The following COMP variants were observed in gnomAD, a reference collection of about 807,000 sequenced individuals.
COMP encodes cartilage oligomeric matrix protein, also known as cartilage oligomeric matrix protein (pseudoachondroplasia, epiphyseal dysplasia 1, multiple).
A neutral mutation model predicts 95.8 loss-of-function variants in COMP; 79 were observed. The observed-to-expected ratio is 0.82, with a 90% CI of 0.69 to 0.99. The LOEUF is 0.99. Ranked by LOEUF, COMP falls within the 50% of genes least tolerant of loss-of-function variation. The probability of loss-of-function intolerance (pLI) is 0.00; values close to 1 mark genes in which losing one functional copy is unlikely to be tolerated. For missense variants in COMP, 906 were observed against 1,076.1 expected (o/e 0.84, Z 2.21); for synonymous variants, 438 against 433.9 (o/e 1.01, Z -0.12).
intron 17 of COMP, 148 bp from the exon 18 acceptor site, chr19:18,783,341 T>G: frequency 8.6e-7 from 1 of 1,157,800 alleles, no homozygotes; most frequent in South Asian, 1.5e-5. Context: ...AGTTTCCTGG[T>G]GTGGTGGACA....
chr19:18,782,979 G>A lies in COMP; in HGVS notation c.2228-18C>T. 1 of 1,612,568 alleles carries A rather than the reference G, an allele frequency of 6.2e-7. No homozygotes were observed. Among genetic ancestry groups the A allele is most frequent in the Non-Finnish European group, 8.5e-7 (1 of 1,180,008 alleles). On this transcript the variant is annotated intron_variant, in intron 18 of 18. Coordinates refer to ENST00000222271, the MANE Select transcript of COMP (RefSeq NM_000095.3). The stretch of plus-strand genomic sequence containing the variant: ...GATGGTGTCTGCAGGGAGAGGGCAG[G>A]CGGGTGAGGGCTGAGAAGGCCAGCA...
rs377675152 is a variant in COMP at position 18,788,239 on chromosome 19, G to A, written c.948C>T (p.Ala316=). 27 of 1,613,070 alleles carry A rather than the reference G, an allele frequency of 1.7e-5. No individual in the cohort carries two copies. Among genetic ancestry groups the A allele is most frequent in the African/African-American group, 2.7e-5 (2 of 74,908 alleles). The change falls in exon 9 of 19, where the codon GCC becomes GCT. Residue 316 remains alanine, a synonymous_variant. Transcript: ENST00000222271. This position sits in a 1 kb window ranked among gnomAD's most constrained non-coding sequence, Gnocchi z 4.7. ...DGIGDACDPD[A]DGDGVPNEKD... is the part of the protein sequence containing the mutation. ...TTTCATTGGGGACCCCGTCCCCGTC[G>A]GCATCCGGATCGCAGGCGTCTCCGA...
chr19:18,785,224 C>G (rs1376900155), intron 15 of COMP, 132 bp from the exon 16 acceptor site: 1 of 973,534 alleles, frequency 1.0e-6, no homozygotes, highest in Non-Finnish European at 1.6e-6. Flanking sequence ...CTCGCAGAGC[C>G]CGGACTCAGC....
chr19:18,782,810 C>G lies in COMP; in HGVS notation c.*105G>C. On this transcript the variant is annotated 3_prime_UTR_variant, in exon 19 of 19. Transcript: ENST00000222271. Reference sequence around the variant, plus strand: ...CACTTTATTTTGTCCTCTCTGAGCCCTTCTCACTTCCCCCTCAGGACGGCC... The same window carrying G: ...CACTTTATTTTGTCCTCTCTGAGCCGTTCTCACTTCCCCCTCAGGACGGCC... The G allele has an allele frequency of 7.7e-7, 1 of 1,306,038 alleles. No homozygotes were observed. 80.9% of individuals were successfully genotyped at this position (1,306,038 alleles called of 1,614,324 possible). A position where few individuals can be genotyped will look rare whatever the true frequency, so the allele number is the denominator to read the frequency against.
Position 18,790,955 on chromosome 19 carries a change from G to A in COMP, c.80-20C>T, listed in dbSNP as rs1235343814. On this transcript the variant is annotated intron_variant, in intron 1 of 18. Transcript: ENST00000222271. ...CTGAGCCTGCGGCGGCAGGGGACCT[G>A]GTGAGGCGTCATGGGGCCGGGGAAT... The A allele has an allele frequency of 3.9e-6, 6 of 1,550,646 alleles. No homozygotes were observed. Among genetic ancestry groups the A allele is most frequent in the South Asian group, 1.2e-5 (1 of 84,400 alleles).
chr19:18,785,055 C>T lies in COMP; in HGVS notation c.1755G>A (p.Thr585=), dbSNP rs34467947. 99,523 of 1,613,994 alleles carry T rather than the reference C, an allele frequency of 0.062. 3,618 individuals are homozygous for T. The highest frequency in any genetic ancestry group is 0.071 in the Non-Finnish European group (84,341 of 1,179,962). ...TAFNGVDFEG[T]FHVNTVTDDD... Reference sequence around the variant, plus strand: ...CATCCGTGACCGTGTTCACATGGAACGTGCCCTCGAAGTCCACGCCATTGA... The same window carrying T: ...CATCCGTGACCGTGTTCACATGGAATGTGCCCTCGAAGTCCACGCCATTGA... The change falls in exon 16 of 19, where the codon ACG becomes ACA. Residue 585 remains threonine (T), a synonymous_variant. Coordinates refer to ENST00000222271, the MANE Select transcript of COMP (RefSeq NM_000095.3).
Position 18,782,826 on chromosome 19 carries a change from C to A in COMP, c.*89G>T. ...CTCTGAGCCCTTCTCACTTCCCCCTCAGGACGGCCACCCCTTGGGGCTGGG... is the reference window on the plus strand; with the variant it reads ...CTCTGAGCCCTTCTCACTTCCCCCTAAGGACGGCCACCCCTTGGGGCTGGG... On this transcript the variant is annotated 3_prime_UTR_variant, in exon 19 of 19. Transcript: ENST00000222271. 3 of 1,454,470 alleles carry A rather than the reference C, an allele frequency of 2.1e-6. No individual in the cohort carries two copies. The highest frequency in any genetic ancestry group is 2.9e-6 in the Non-Finnish European group (3 of 1,048,960). The allele number at this position is 1,454,470 out of a possible 1,614,324, so 90.1% of individuals were successfully genotyped here.
rs201624503 is a variant in COMP, at chr19:18,784,939, G to A, written c.1871C>T (p.Ala624Val). 12 of 1,565,300 alleles carry A rather than the reference G, an allele frequency of 7.7e-6. No individual in the cohort carries two copies. The highest frequency in any genetic ancestry group is 3.8e-5 in the Admixed American group (2 of 52,282). The part of the protein sequence containing the change: ...WKQMEQTYWQ[A>V]NPFRAVAEPG... Reference sequence around the variant, plus strand: ...CTCGGCCACAGCACGGAAGGGGTTCGCCTGCCAATACGTTTGCTCCATCTG... The same window carrying A: ...CTCGGCCACAGCACGGAAGGGGTTCACCTGCCAATACGTTTGCTCCATCTG... The change falls in exon 16 of 19, where the codon GCG becomes GTG. Residue 624 changes from alanine to valine, a missense_variant. Transcript: ENST00000222271. The surrounding 1 kb of genome is among the most constrained non-coding windows in gnomAD (Gnocchi z 4.9).
chr19:18,790,712 G>C lies in COMP; in HGVS notation c.166-99C>G, dbSNP rs548771123. On this transcript the variant is annotated intron_variant, in intron 2 of 18. Coordinates refer to ENST00000222271, the MANE Select transcript of COMP (RefSeq NM_000095.3). ...GGGTCCCTTTCTACAGCCTCTTTTC[G>C]CCAAGGACTCCCTACCCGCCGACCC... 1.6e-5 allele frequency: 25 copies of C among 1,610,508 alleles called. No homozygotes were observed. The African/African-American group carries it at 2.5e-4, about 16-fold the overall frequency.
rs1444593732 is a variant in COMP, at chr19:18,784,686, A to G, written c.1914+210T>C. Among the ~76,000 whole-genome samples, 1 of 152,056 alleles carries G rather than the reference A, an allele frequency of 6.6e-6. No homozygotes were observed. The highest frequency in any genetic ancestry group is 1.9e-4 in the East Asian group (1 of 5,192). On this transcript the variant is annotated intron_variant, in intron 16 of 18. Coordinates refer to ENST00000222271, the MANE Select transcript of COMP (RefSeq NM_000095.3). The surrounding 1 kb of genome is among the most constrained non-coding windows in gnomAD (Gnocchi z 4.9). ...GTGAGAGGGTTTAGGGTCCATAGGA[A>G]GACTGGGGGGCCCTGAGAATGTTTG...
chr19:18,784,064 C>G lies in COMP; in HGVS notation c.2087+127G>C. ...CTGGACCAGCATAGGCTCATTCTAA[C>G]TGCCCTGTATCTTTCCTATCGTACA... is the stretch of plus-strand genomic sequence containing the variant. On this transcript the variant is annotated intron_variant, in intron 17 of 18. Transcript: ENST00000222271. This position sits in a 1 kb window ranked among gnomAD's most constrained non-coding sequence, Gnocchi z 4.9. 1 of 1,086,766 alleles carries G rather than the reference C, an allele frequency of 9.2e-7. No homozygotes were observed. The highest frequency in any genetic ancestry group is 2.4e-5 in the East Asian group (1 of 41,102). 67.3% of individuals were successfully genotyped at this position (1,086,766 alleles called of 1,614,324 possible).
chr19:18,787,560 TC>T lies in COMP; in HGVS notation c.1065del (p.Asn356ThrfsTer48). On this transcript the variant is annotated frameshift_variant, in exon 10 of 19. Coordinates refer to ENST00000222271, the MANE Select transcript of COMP (RefSeq NM_000095.3). LOFTEE classifies it high-confidence loss of function. Reference protein sequence around the residue: ...GDACDNCRSQKNDDQKDTDQD... With the variant: ...GDACDNCRSQXNDDQKDTDQD... ...TGGTCTGTGTCCTTTTGGTCGTCGT[TC>T]TTCTGGGACCGGCAGTTGTCGCACG... The T allele has an allele frequency of 6.2e-7, 1 of 1,614,034 alleles. No homozygotes were observed. The highest frequency in any genetic ancestry group is 2.2e-5 in the East Asian group (1 of 44,880).
chr19:18,789,987 G>T lies in COMP; in HGVS notation c.345C>A (p.Pro115=). The T allele has an allele frequency of 6.3e-7, 1 of 1,593,986 alleles. No homozygotes were observed. Residue 115 remains proline, a synonymous_variant, in exon 4 of 19, where the codon CCC becomes CCA. Transcript: ENST00000222271. This position sits in a 1 kb window ranked among gnomAD's most constrained non-coding sequence, Gnocchi z 6.1. ...GCGAGCCGTTGCCCGTGAAGCCCGC[G>T]GGGCAGGGGCCGCAGCGCGCGCCGC... ...TESGARCGPC[P]AGFTGNGSHC... is the part of the protein sequence containing the mutation.
In COMP at chr19:18,790,125, G is replaced by GC; in HGVS notation, c.218-12_218-11insG. 1 of 1,522,174 alleles carries GC rather than the reference G, an allele frequency of 6.6e-7. No homozygotes were observed. Among genetic ancestry groups the GC allele is most frequent in the South Asian group, 1.2e-5 (1 of 82,370 alleles). 94.3% of individuals were successfully genotyped at this position (1,522,174 alleles called of 1,614,324 possible). A position where few individuals can be genotyped will look rare whatever the true frequency, so the allele number is the denominator to read the frequency against. On this transcript the variant is annotated splice_polypyrimidine_tract_variant and intron_variant, in intron 3 of 18. Transcript: ENST00000222271. ...CTGACTGCTGCATCCCTGCGGGGGG[G>GC]AGGGGGGAGAAGCGGCGGGGCTGAT...
intron 3 of COMP, 120 bp from the exon 4 acceptor site, chr19:18,790,234 G>A (rs1284002789): frequency 1.3e-6 from 1 of 784,638 alleles, no homozygotes. Context: ...CCCGCCCCGG[G>A]GCGGCCCGAA....
At chr19:18,791,049 G>T in intron 1 of COMP, 114 bp from the exon 2 acceptor site, 1 of 1,507,898 alleles carries the variant, frequency 6.6e-7, no homozygotes. Context: ...CTCTAGTCTC[G>T]GTCCCGCCAC....
In COMP at chr19:18,791,025, G is replaced by A; in HGVS notation, c.80-90C>T. 2.6e-6 allele frequency: 4 copies of A among 1,523,266 alleles called. No individual in the cohort carries two copies. The South Asian group carries it at 3.6e-5, about 14-fold the overall frequency. 94.4% of individuals were successfully genotyped at this position (1,523,266 alleles called of 1,614,324 possible). A position where few individuals can be genotyped will look rare whatever the true frequency, so the allele number is the denominator to read the frequency against. ...GTTGCAGCGAACCCGGACCTCCGAG[G>A]CCCCACTGCGCTCCTCTAGTCTCGG... On this transcript the variant is annotated intron_variant, in intron 1 of 18. Coordinates refer to ENST00000222271, the MANE Select transcript of COMP (RefSeq NM_000095.3).
At chr19:18,787,791 T>G (rs1044071039) in intron 9 of COMP, 141 bp from the exon 10 acceptor site, 5 of 1,045,158 alleles carry the variant, frequency 4.8e-6, no homozygotes, top group Non-Finnish European at 5.8e-6. Context: ...ACGCCCCTCA[T>G]CCAAGCCACG....
At position 18,782,816 on chromosome 19, in the gene COMP, A is replaced by T; in HGVS notation, c.*99T>A. 3 of 1,358,010 alleles carry T rather than the reference A, an allele frequency of 2.2e-6. No homozygotes were observed. Among genetic ancestry groups the T allele is most frequent in the Non-Finnish European group, 3.1e-6 (3 of 963,732 alleles). 84.1% of individuals were successfully genotyped at this position (1,358,010 alleles called of 1,614,324 possible). A position where few individuals can be genotyped will look rare whatever the true frequency, so the allele number is the denominator to read the frequency against. The stretch of plus-strand genomic sequence containing the variant: ...ATTTTGTCCTCTCTGAGCCCTTCTC[A>T]CTTCCCCCTCAGGACGGCCACCCCT... On this transcript the variant is annotated 3_prime_UTR_variant, in exon 19 of 19. Coordinates refer to ENST00000222271, the MANE Select transcript of COMP (RefSeq NM_000095.3).
Sources: gnomAD v4.1 joint callset for allele counts (sites outside exome capture counted in the v4.1 genomes callset) on GRCh38, gnomAD v4.1.1 for gene constraint, Gnocchi (gnomAD v3.1) non-coding constraint, MANE v1.5 for transcripts, NCBI Gene and HGNC (gene_info 2026-07-23, HGNC 2026-07-21) for gene names.